Variants in ROPN1 observed in about 807,000 individuals in gnomAD.
ROPN1 encodes rhophilin associated tail protein 1.
In ROPN1, 14 loss-of-function variants were observed where a neutral mutation model predicts 20.5. The ratio of observed to expected loss-of-function variants is 0.68; its 90% CI spans 0.45 to 1.07. The LOEUF (loss-of-function observed/expected upper bound fraction) is 1.07, where lower values mean the gene tolerates loss of function less well. ROPN1 is among the 50% of genes least tolerant of loss of function. The probability of loss-of-function intolerance (pLI) is 0.00; values close to 1 mark genes in which losing one functional copy is unlikely to be tolerated. For missense variants in ROPN1, 169 were observed against 242.8 expected (o/e 0.70, Z 2.02); for synonymous variants, 76 against 95.7 (o/e 0.79, Z 1.20).
In ROPN1 at chr3:123,971,580, A is replaced by G. The variant is rs1225403879; in HGVS notation, c.397-1363T>C. Among the ~76,000 whole-genome samples the G allele has an allele frequency of 2.0e-5, 3 of 152,288 alleles. No individual in the cohort carries two copies. In the East Asian group the frequency reaches 5.8e-4, roughly 29 times the overall value. ...TACTCACTTTCACTTAATTCAGAGC[A>G]GGTGGGAGGGCAGGCATGGGGCCAA... On this transcript the variant is annotated intron_variant, in intron 4 of 5. Coordinates refer to ENST00000405845, the MANE Select transcript of ROPN1 (RefSeq NM_001317774.2).
chr3:123,989,195 AG>A (rs1372012931), intron 1 of ROPN1, among the ~76,000 whole-genome samples: 3 of 152,200 alleles, frequency 2.0e-5, no homozygotes, highest in Non-Finnish European at 4.4e-5. Flanking sequence ...TGACAAGTTC[AG>A]GGAACTGTAA....
chr3:123,974,497 C>T (rs1226992735), intron 4 of ROPN1: 1 of 152,202 alleles, frequency 6.6e-6, no homozygotes, highest in Non-Finnish European at 1.5e-5. Flanking sequence ...AATATTTCCA[C>T]TAAATTTTCT....
In ROPN1 at chr3:123,969,234, A is replaced by G. The variant is rs199649246; in HGVS notation, c.573-13T>C. ...ATCAGGGCCAATTCTGTTTGGAAAA[A>G]GGTATATCTGCAGTTAGTTCATTGA... is the stretch of plus-strand genomic sequence containing the variant. On this transcript the variant is annotated splice_polypyrimidine_tract_variant and intron_variant, in intron 5 of 5. Coordinates refer to ENST00000405845, the MANE Select transcript of ROPN1 (RefSeq NM_001317774.2). 8.8e-6 allele frequency: 14 copies of G among 1,599,658 alleles called. No individual in the cohort carries two copies. Among genetic ancestry groups the G allele is most frequent in the Non-Finnish European group, 1.1e-5 (13 of 1,167,100 alleles).
At chr3:123,985,285 C>A (rs2149000927) in intron 1 of ROPN1, among the ~76,000 whole-genome samples, 2 of 152,324 alleles carry the variant, frequency 1.3e-5, no homozygotes, top group South Asian at 4.1e-4. Context: ...CTTGTTAAAA[C>A]AATCCCTGTA....
intron 4 of ROPN1, among the ~76,000 whole-genome samples, chr3:123,971,308 T>C (rs1031780121): frequency 6.6e-6 from 1 of 152,252 alleles, no homozygotes; most frequent in African/African-American, 2.4e-5. Context: ...GTGAATAAAC[T>C]CTTCCTTGAG....
intron 1 of ROPN1, among the ~76,000 whole-genome samples, chr3:123,983,505 C>T (rs1328414771): frequency 6.6e-6 from 1 of 152,190 alleles, no homozygotes; most frequent in African/African-American, 2.4e-5. Flanking sequence ...ACAACAGTAA[C>T]AATGTTAACC....
rs777018840 is a variant in ROPN1 at position 123,976,991 on chromosome 3, A to G, written c.117-10T>C. 4.4e-6 allele frequency: 7 copies of G among 1,607,480 alleles called. No homozygotes were observed. In the Admixed American group the frequency reaches 5.1e-5, roughly 12 times the overall value. On this transcript the variant is annotated splice_polypyrimidine_tract_variant and intron_variant, in intron 2 of 5. Coordinates refer to ENST00000405845, the MANE Select transcript of ROPN1 (RefSeq NM_001317774.2). Reference sequence around the variant, plus strand: ...CAGGGCCTCAAAATAACTACAAGAAAAAAAGTCAGAGAGTAGGAGGATCCT... The same window carrying G: ...CAGGGCCTCAAAATAACTACAAGAAGAAAAGTCAGAGAGTAGGAGGATCCT...
Position 123,992,097 on chromosome 3 carries a change from C to G in ROPN1, c.-188G>C, listed in dbSNP as rs2038426299. On this transcript the variant is annotated 5_prime_UTR_variant, in exon 1 of 6. Transcript: ENST00000405845. ...GGTGACAGCAGCGGCGGGGCACGAC[C>G]GCCGTTAGCGTTAGACGTTAGCGCT... 1 of 115,318 alleles carries G rather than the reference C, an allele frequency of 8.7e-6. No homozygotes were observed. Among genetic ancestry groups the G allele is most frequent in the Non-Finnish European group, 1.9e-5 (1 of 53,082 alleles). 7.1% of individuals were successfully genotyped at this position (115,318 alleles called of 1,614,324 possible).
chr3:123,977,784 C>T (rs1028829046), intron 2 of ROPN1, among the ~76,000 whole-genome samples: 1 of 152,234 alleles, frequency 6.6e-6, no homozygotes, highest in Non-Finnish European at 1.5e-5. Context: ...TCAGTGAAAT[C>T]TGCCTGCTCC....
chr3:123,975,038 T>C, intron 4 of ROPN1: 1 of 389,924 alleles, frequency 2.6e-6, no homozygotes, highest in African/African-American at 2.1e-5. Context: ...TGTCTGGAAG[T>C]CTTTTTCTAC....
rs1010917400 is a variant in ROPN1 at position 123,970,039 on chromosome 3, T to G, written c.572+3A>C. The G allele has an allele frequency of 6.2e-7, 1 of 1,611,308 alleles. No individual in the cohort carries two copies. The highest frequency in any genetic ancestry group is 1.3e-5 in the African/African-American group (1 of 74,876). On this transcript the variant is annotated splice_donor_region_variant and intron_variant, in intron 5 of 5. Coordinates refer to ENST00000405845, the MANE Select transcript of ROPN1 (RefSeq NM_001317774.2). ...CACCTCCACTTGACAAAAGTTAACTTACACTTCCTGTTCCATGTAGTTTAG... is the reference window on the plus strand; with the variant it reads ...CACCTCCACTTGACAAAAGTTAACTGACACTTCCTGTTCCATGTAGTTTAG...
At chr3:123,974,711 A>G (rs949145602) in intron 4 of ROPN1, 5 of 152,696 alleles carry the variant, frequency 3.3e-5, no homozygotes, top group Non-Finnish European at 7.3e-5. Context: ...AGTTATTTTA[A>G]CAATGTTTAG....
At chr3:123,985,992 C>CAAAAAAAAAAAAAAAAAA (rs35677015) in intron 1 of ROPN1, among the ~76,000 whole-genome samples, 1 of 22,126 alleles carries the variant, frequency 4.5e-5, no homozygotes, top group African/African-American at 9.1e-5. Context: ...GACCTTGTCT[C>CAAAAAAAAAAAAAAAAAA]AAAAAAAAAA....
intron 4 of ROPN1, among the ~76,000 whole-genome samples, chr3:123,974,223 G>A (rs1392404524): frequency 6.6e-6 from 1 of 152,060 alleles, no homozygotes. Flanking sequence ...AATGTGGTGT[G>A]AAAAAAATCT....
intron 1 of ROPN1, among the ~76,000 whole-genome samples, chr3:123,988,931 C>T (rs1198916159): frequency 6.6e-6 from 1 of 151,774 alleles, no homozygotes; most frequent in African/African-American, 2.4e-5. Context: ...AGAAGAAAAA[C>T]TCTTGGATGA....
At chr3:123,987,091 A>T (rs966641408) in intron 1 of ROPN1, among the ~76,000 whole-genome samples, 2 of 152,214 alleles carry the variant, frequency 1.3e-5, no homozygotes, top group African/African-American at 4.8e-5. Context: ...GCCATGCTGT[A>T]CTACAAACAC....
chr3:123,990,707 C>T (rs2038387451), intron 1 of ROPN1, among the ~76,000 whole-genome samples: 1 of 151,534 alleles, frequency 6.6e-6, no homozygotes, highest in South Asian at 2.1e-4. Flanking sequence ...TTCAATTATA[C>T]ATTCCAGAGC....
At chr3:123,989,821 C>T (rs1234111117) in intron 1 of ROPN1, among the ~76,000 whole-genome samples, 1 of 152,160 alleles carries the variant, frequency 6.6e-6, no homozygotes, top group East Asian at 1.9e-4. Flanking sequence ...AATTTCTCTG[C>T]TCTCCAGTCA....
chr3:123,971,177 T>C (rs1307704042), intron 4 of ROPN1, among the ~76,000 whole-genome samples: 2 of 152,144 alleles, frequency 1.3e-5, no homozygotes, highest in Non-Finnish European at 2.9e-5. Flanking sequence ...GCCTTAGCAG[T>C]TGATGTCTGC....
Sources: allele counts gnomAD v4.1 joint callset (sites outside exome capture counted in the v4.1 genomes callset), GRCh38; gene constraint gnomAD v4.1.1; transcripts MANE v1.5; gene names NCBI Gene and HGNC (gene_info 2026-07-23, HGNC 2026-07-21).